The following DENND2A variants were observed in gnomAD, a reference collection of about 807,000 sequenced individuals.
DENND2A encodes DENN domain-containing protein 2A.
A neutral mutation model predicts 105.3 loss-of-function variants in DENND2A; 53 were observed. The ratio of observed to expected loss-of-function variants is 0.50; its 90% CI spans 0.40 to 0.63. The LOEUF is 0.63. Ranked by LOEUF, DENND2A falls within the 30% of genes least tolerant of loss-of-function variation. The pLI, the probability that DENND2A is intolerant of heterozygous loss-of-function variation, is 0.00. For synonymous variants in DENND2A, 522 were observed against 508.4 expected (o/e 1.03, Z -0.36); for missense variants, 1,138 against 1,279.6 (o/e 0.89, Z 1.69).
chr7:140,595,409 G>A (rs1216075410), intron 3 of DENND2A, among the ~76,000 whole-genome samples: 4 of 151,980 alleles, frequency 2.6e-5, no homozygotes, highest in African/African-American at 9.7e-5. Flanking sequence ...GTATTATTGA[G>A]TTAATTTTTA....
At chr7:140,634,061 C>G (rs189575149) in intron 1 of DENND2A, among the ~76,000 whole-genome samples, 1 of 150,812 alleles carries the variant, frequency 6.6e-6, no homozygotes, top group Non-Finnish European at 1.5e-5. Flanking sequence ...TGCAGTGGCG[C>G]GACCTCGGCT....
chr7:140,520,923 G>A (rs1795837353), intron 18 of DENND2A, among the ~76,000 whole-genome samples: 1 of 148,440 alleles, frequency 6.7e-6, no homozygotes, highest in African/African-American at 2.5e-5. Flanking sequence ...TGCCCAGGCT[G>A]GAGTGCAATG....
Position 140,569,511 on chromosome 7 carries a change from A to G in DENND2A, c.1540+134T>C, listed in dbSNP as rs1272488391. On this transcript the variant is annotated intron_variant, in intron 7 of 19. Coordinates refer to ENST00000496613, the MANE Select transcript of DENND2A (RefSeq NM_015689.5). ...TCCCAGCCCCACCACTGTCCCAAAG[A>G]CAGTGCGGGACATTTACAAAGCATC... 5.6e-6 allele frequency: 4 copies of G among 718,784 alleles called. No homozygotes were observed. In the East Asian group the frequency reaches 9.9e-5, roughly 18 times the overall value. The allele number at this position is 718,784 out of a possible 1,614,324, so 44.5% of individuals were successfully genotyped here.
At chr7:140,634,124 G>A (rs571319951) in intron 1 of DENND2A, among the ~76,000 whole-genome samples, 2 of 150,992 alleles carry the variant, frequency 1.3e-5, no homozygotes, top group Non-Finnish European at 2.9e-5. Context: ...TCAGCCTCCC[G>A]GGTAGTTGGG....
chr7:140,594,388 T>G (rs979114205), intron 3 of DENND2A, among the ~76,000 whole-genome samples: 13 of 152,208 alleles, frequency 8.5e-5, no homozygotes, highest in Non-Finnish European at 1.9e-4. Flanking sequence ...TCTGACATGA[T>G]GCAGTCTTTC....
intron 1 of DENND2A, among the ~76,000 whole-genome samples, chr7:140,628,619 A>G (rs1389615869): frequency 2.1e-5 from 3 of 142,054 alleles, no homozygotes. Flanking sequence ...AGCTCACGGT[A>G]ACCTCTGCCT....
At chr7:140,533,952 C>T (rs772115890) in intron 14 of DENND2A, among the ~76,000 whole-genome samples, 12 of 152,030 alleles carry the variant, frequency 7.9e-5, no homozygotes, top group African/African-American at 2.2e-4. Flanking sequence ...CTCACTCTGT[C>T]GCCCAGACTG....
At chr7:140,616,183 A>T (rs1800079599) in intron 1 of DENND2A, among the ~76,000 whole-genome samples, 1 of 152,196 alleles carries the variant, frequency 6.6e-6, no homozygotes, top group Admixed American at 6.5e-5. Context: ...CCTGGCCAAC[A>T]TGGTGAAACC....
At position 140,527,337 on chromosome 7, in the gene DENND2A, C is replaced by G. The variant is rs751760395; in HGVS notation, c.2486G>C (p.Arg829Thr). The change falls in exon 15 of 20, where the codon AGG (arginine) becomes ACG (threonine). Residue 829 changes from arginine (R) to threonine (T), a missense_variant. Around this residue, in one of 2 missense-constraint regions of DENND2A, gnomAD observed 627 missense variants for 779.8 expected, o/e 0.80. Coordinates refer to ENST00000496613, the MANE Select transcript of DENND2A (RefSeq NM_015689.5). This position sits in a 1 kb window ranked among gnomAD's most constrained non-coding sequence, Gnocchi z 4.9. ...GCTCACCTCTTCCAGCGGCAGCTCC[C>G]TGAGCAGTGGCAGCGAGCTGGAGAG... Reference protein sequence around the residue: ...GLLSSSLPLLRELPLEEVLVV... With the variant: ...GLLSSSLPLLTELPLEEVLVV... The G allele has an allele frequency of 1.3e-6, 2 of 1,593,132 alleles. No individual in the cohort carries two copies. Among genetic ancestry groups the G allele is most frequent in the African/African-American group, 2.7e-5 (2 of 74,702 alleles).
rs1012582069 is a variant in DENND2A, at chr7:140,523,082, G to GC, written c.2665+224dup. Among the ~76,000 whole-genome samples the GC allele has an allele frequency of 1.3e-5, 2 of 151,934 alleles. No homozygotes were observed. Among genetic ancestry groups the GC allele is most frequent in the South Asian group, 2.1e-4 (1 of 4,816 alleles). ...GCCACCATGCCCAGATAATTTCCAC[G>GC]CCCCCCTTTTAAACAGGTACTTTAA... On this transcript the variant is annotated intron_variant, in intron 17 of 19. Coordinates refer to ENST00000496613, the MANE Select transcript of DENND2A (RefSeq NM_015689.5). The surrounding 1 kb of genome is among the most constrained non-coding windows in gnomAD (Gnocchi z 4.5).
chr7:140,613,734 C>T (rs1799989720), intron 1 of DENND2A, among the ~76,000 whole-genome samples: 1 of 151,734 alleles, frequency 6.6e-6, no homozygotes, highest in African/African-American at 2.4e-5. Flanking sequence ...ATCTCAGGAC[C>T]TCCAACTCAC....
At chr7:140,596,843 G>A (rs1312758488) in intron 3 of DENND2A, among the ~76,000 whole-genome samples, 2 of 152,354 alleles carry the variant, frequency 1.3e-5, no homozygotes, top group South Asian at 2.1e-4. Flanking sequence ...TTAAAGAGTA[G>A]TAACTTTTCT....
Position 140,523,331 on chromosome 7 carries a change from C to T in DENND2A, c.2641G>A (p.Glu881Lys), listed in dbSNP as rs533169195. Residue 881 changes from glutamate (E) to lysine (K), a missense_variant, in exon 17 of 20, where the codon GAA (glutamate) becomes AAA (lysine). By Grantham distance (56) the Glu-to-Lys change is moderately conservative. Transcript: ENST00000496613. This position sits in a 1 kb window ranked among gnomAD's most constrained non-coding sequence, Gnocchi z 4.5. ...CCGTGCCTGCCGTCTAGGGGCCCTT[C>T]GTCCTGCTCACAAGCCAGCTCGTTC... The part of the protein sequence containing the change: ...QRNELACEQD[E>K]GPLDGRHGPE... The T allele has an allele frequency of 2.0e-5, 33 of 1,614,176 alleles. No individual in the cohort carries two copies. The highest frequency in any genetic ancestry group is 2.4e-5 in the Non-Finnish European group (28 of 1,180,028).
chr7:140,570,500 T>C (rs983201045), intron 6 of DENND2A, among the ~76,000 whole-genome samples: 1 of 152,000 alleles, frequency 6.6e-6, no homozygotes, highest in Admixed American at 6.6e-5. Context: ...CAGCCCTGAG[T>C]GGGGTGAGAA....
chr7:140,596,309 GAGT>G (rs1799280430), intron 3 of DENND2A, among the ~76,000 whole-genome samples: 2 of 152,322 alleles, frequency 1.3e-5, no homozygotes, highest in Admixed American at 1.3e-4. Context: ...GAAGCTTCCA[GAGT>G]AGCTTTTGCT....
intron 9 of DENND2A, among the ~76,000 whole-genome samples, chr7:140,561,430 G>T (rs1347223276): frequency 6.6e-6 from 1 of 151,668 alleles, no homozygotes; most frequent in African/African-American, 2.4e-5. Flanking sequence ...GAATATCTGA[G>T]GTTAGGAATT....
At chr7:140,578,957 C>T (rs1460004470) in intron 5 of DENND2A, among the ~76,000 whole-genome samples, 3 of 152,074 alleles carry the variant, frequency 2.0e-5, no homozygotes, top group Non-Finnish European at 4.4e-5. Flanking sequence ...AATGGGATAC[C>T]GTGCAGGCAA....
intron 5 of DENND2A, among the ~76,000 whole-genome samples, chr7:140,583,507 G>A (rs1798630240): frequency 6.7e-6 from 1 of 150,076 alleles, no homozygotes. Flanking sequence ...AAATGACCTC[G>A]CTGGTTGGCA....
chr7:140,565,441 A>G (rs1797800674), intron 9 of DENND2A, among the ~76,000 whole-genome samples: 1 of 152,092 alleles, frequency 6.6e-6, no homozygotes, highest in Non-Finnish European at 1.5e-5. Context: ...CCAAGCAGAA[A>G]ATTGCTTGAA....
Sources: gnomAD v4.1 joint callset for allele counts (sites outside exome capture counted in the v4.1 genomes callset) on GRCh38, gnomAD v4.1.1 for gene constraint, gnomAD v4.1.1 regional missense constraint, Gnocchi (gnomAD v3.1) non-coding constraint, MANE v1.5 for transcripts, NCBI Gene and HGNC (gene_info 2026-07-23, HGNC 2026-07-21) for gene names.